The following YKT6 variants were observed in gnomAD, a reference collection of about 807,000 sequenced individuals.
YKT6 encodes the protein YKT6 vesicular SNARE protein, also known as synaptobrevin homolog YKT6.
YKT6 carries 12 observed loss-of-function variants against 29.3 expected under a neutral mutation model. The ratio of observed to expected loss-of-function variants is 0.41; its 90% CI spans 0.26 to 0.66. The LOEUF (loss-of-function observed/expected upper bound fraction) is 0.66, where lower values mean the gene tolerates loss of function less well. YKT6 is among the 30% of genes least tolerant of loss of function. YKT6 has a pLI of 0.32. For missense variants in YKT6, 188 were observed against 243.8 expected (o/e 0.77, Z 1.52); for synonymous variants, 86 against 94.3 (o/e 0.91, Z 0.51).
At position 44,201,245 on chromosome 7, in the gene YKT6, C is replaced by G. The variant is rs758557603; in HGVS notation, c.104+6C>G. On this transcript the variant is annotated splice_donor_region_variant and intron_variant, in intron 1 of 6. Coordinates refer to ENST00000223369, the MANE Select transcript of YKT6 (RefSeq NM_006555.4). ...AGCTTTTTCCAGAGATCCAGGTGAG[C>G]GGCACAGGCTGGTGGGCCGTGGCGG... 2 of 1,603,264 alleles carry G rather than the reference C, an allele frequency of 1.2e-6. No homozygotes were observed. Among genetic ancestry groups the G allele is most frequent in the South Asian group, 1.1e-5 (1 of 90,484 alleles).
chr7:44,211,161 C>G (rs1562744555), intron 6 of YKT6, 37 bp downstream of exon 6: 1 of 1,587,802 alleles, frequency 6.3e-7, no homozygotes, highest in Non-Finnish European at 8.6e-7. Flanking sequence ...TGGGTGTTCT[C>G]TCTAGAGAGC....
At position 44,210,678 on chromosome 7, in the gene YKT6, G is replaced by A. The variant is rs1057234716; in HGVS notation, c.460-345G>A. On this transcript the variant is annotated intron_variant, in intron 5 of 6. Coordinates refer to ENST00000223369, the MANE Select transcript of YKT6 (RefSeq NM_006555.4). ...AAGCTCCATGCACACGCACATGTGC[G>A]TGCACACACACACACACACACAAAT... 165 of 324,210 alleles carry A rather than the reference G, an allele frequency of 5.1e-4. 1 individual carries two copies. Among genetic ancestry groups the A allele is most frequent in the African/African-American group, 3.6e-3 (119 of 33,474 alleles). The allele number at this position is 324,210 out of a possible 1,614,324, so 20.1% of individuals were successfully genotyped here.
Position 44,212,562 on chromosome 7 carries a change from GCT to G in YKT6, c.*283_*284del. On this transcript the variant is annotated 3_prime_UTR_variant, in exon 7 of 7. Transcript: ENST00000223369. ...GACTGGCTTCTGTAGATGCCAAAGG[GCT>G]CTTTTTCAGCTAACCCTGGGAAGGC... 1 of 433,712 alleles carries G rather than the reference GCT, an allele frequency of 2.3e-6. No homozygotes were observed. The allele number at this position is 433,712 out of a possible 1,614,324, so 26.9% of individuals were successfully genotyped here. A position where few individuals can be genotyped will look rare whatever the true frequency, so the allele number is the denominator to read the frequency against.
intron 6 of YKT6, 88 bp from the exon 7 acceptor site, chr7:44,212,159 T>G: frequency 6.5e-7 from 1 of 1,534,526 alleles, no homozygotes; most frequent in Non-Finnish European, 9.0e-7. Context: ...CTGTGTCCTG[T>G]GGAGCTCCCT....
intron 1 of YKT6, 38 bp downstream of exon 1, chr7:44,201,277 G>T: frequency 6.3e-7 from 1 of 1,584,782 alleles, no homozygotes. Context: ...GCGGTCGGGC[G>T]GAGAGGACTG....
intron 6 of YKT6, among the ~76,000 whole-genome samples, chr7:44,211,761 G>C (rs779767888): frequency 2.6e-5 from 4 of 152,212 alleles, no homozygotes; most frequent in Non-Finnish European, 5.9e-5. Context: ...TCTGTGACCA[G>C]AAAGCAAGAG....
intron 2 of YKT6, among the ~76,000 whole-genome samples, chr7:44,205,015 G>T (rs916945852): frequency 6.6e-6 from 1 of 152,278 alleles, no homozygotes; most frequent in African/African-American, 2.4e-5. Context: ...TAGATTTTTT[G>T]ATCAGGAATC....
In YKT6 at chr7:44,213,023, G is replaced by A. The variant is rs891951047; in HGVS notation, c.*741G>A. On this transcript the variant is annotated 3_prime_UTR_variant, in exon 7 of 7. Coordinates refer to ENST00000223369, the MANE Select transcript of YKT6 (RefSeq NM_006555.4). ...TGGGTTGGGTTCGTACCAGCAAGTA[G>A]ACTAGGAACTGAGCCCAGGAAAGGG... 2 of 152,254 alleles carry A rather than the reference G, an allele frequency of 1.3e-5. No individual in the cohort carries two copies. The highest frequency in any genetic ancestry group is 2.9e-5 in the Non-Finnish European group (2 of 68,052). The allele number at this position is 152,254 out of a possible 1,614,324, so 9.4% of individuals were successfully genotyped here. A position where few individuals can be genotyped will look rare whatever the true frequency, so the allele number is the denominator to read the frequency against.
intron 2 of YKT6, among the ~76,000 whole-genome samples, chr7:44,204,975 G>A (rs538451954): frequency 4.6e-4 from 70 of 152,334 alleles, no homozygotes; most frequent in Middle Eastern, 3.4e-3. Context: ...AGCTAGCACT[G>A]TTGAGGTACT....
intron 1 of YKT6, among the ~76,000 whole-genome samples, chr7:44,202,942 AG>A (rs1332121394): frequency 6.6e-6 from 1 of 152,006 alleles, no homozygotes; most frequent in Non-Finnish European, 1.5e-5. Context: ...CCTTCCCATT[AG>A]TACTTAAGAT....
intron 2 of YKT6, 93 bp downstream of exon 2, chr7:44,204,743 C>A (rs904393264): frequency 8.7e-7 from 1 of 1,149,452 alleles, no homozygotes; most frequent in South Asian, 1.3e-5. Flanking sequence ...TACTGGGACC[C>A]TACTCCTCCT....
At position 44,213,659 on chromosome 7, in the gene YKT6, AGCTCT is replaced by A. The variant is rs1452719057; in HGVS notation, c.*1384_*1388del. 1 of 151,980 alleles carries A rather than the reference AGCTCT, an allele frequency of 6.6e-6. No homozygotes were observed. 9.4% of individuals were successfully genotyped at this position (151,980 alleles called of 1,614,324 possible). A position where few individuals can be genotyped will look rare whatever the true frequency, so the allele number is the denominator to read the frequency against. On this transcript the variant is annotated 3_prime_UTR_variant, in exon 7 of 7. Coordinates refer to ENST00000223369, the MANE Select transcript of YKT6 (RefSeq NM_006555.4). ...GAACCAGTGTGGTATGGTCCTTGGG[AGCTCT>A]GCTCTGAGCTTGCCACACTGCTGAG... is the stretch of plus-strand genomic sequence containing the variant.
intron 2 of YKT6, among the ~76,000 whole-genome samples, chr7:44,205,963 A>C (rs967424216): frequency 1.3e-5 from 2 of 152,146 alleles, no homozygotes; most frequent in Non-Finnish European, 2.9e-5. Context: ...ATTTTTTAAG[A>C]AAGCAGAGGC....
intron 1 of YKT6, 138 bp from the exon 2 acceptor site, chr7:44,204,430 T>G (rs2096338817): frequency 1.5e-6 from 1 of 684,186 alleles, no homozygotes. Flanking sequence ...TATAGAGTGT[T>G]TGTTACTAGG....
At position 44,212,565 on chromosome 7, in the gene YKT6, CTT is replaced by C. The variant is rs368059901; in HGVS notation, c.*287_*288del. 2,572 of 429,632 alleles carry C rather than the reference CTT, an allele frequency of 6.0e-3. 37 individuals carry two copies. The highest frequency in any genetic ancestry group is 0.032 in the South Asian group (711 of 21,900). 26.6% of individuals were successfully genotyped at this position (429,632 alleles called of 1,614,324 possible). ...TGGCTTCTGTAGATGCCAAAGGGCT[CTT>C]TTTCAGCTAACCCTGGGAAGGCTCT... On this transcript the variant is annotated 3_prime_UTR_variant, in exon 7 of 7. Coordinates refer to ENST00000223369, the MANE Select transcript of YKT6 (RefSeq NM_006555.4).
At chr7:44,210,996 C>T (rs1264732236) in intron 5 of YKT6, 27 bp from the exon 6 acceptor site, 6 of 1,612,054 alleles carry the variant, frequency 3.7e-6, no homozygotes, top group Non-Finnish European at 5.1e-6. Flanking sequence ...CTGAACAGAG[C>T]TGGATTCTCT....
intron 5 of YKT6, 92 bp downstream of exon 5, chr7:44,208,290 A>G (rs529021834): frequency 6.4e-6 from 9 of 1,401,974 alleles, no homozygotes; most frequent in Admixed American, 3.7e-5. Context: ...TCGTTTTAAT[A>G]TAATAGTAAC....
At chr7:44,206,224 T>C (rs1255219409) in intron 2 of YKT6, among the ~76,000 whole-genome samples, 161 bp from the exon 3 acceptor site, 4 of 152,216 alleles carry the variant, frequency 2.6e-5, no homozygotes, top group African/African-American at 9.6e-5. Flanking sequence ...GTGTGGCCCA[T>C]TGGGCTGTGC....
chr7:44,206,334 G>C (rs1238552681), intron 2 of YKT6, 51 bp from the exon 3 acceptor site: 15 of 1,576,456 alleles, frequency 9.5e-6, no homozygotes, highest in African/African-American at 1.3e-5. Context: ...ATTAAAAGAA[G>C]TCTGAAGCCC....
Sources: allele counts gnomAD v4.1 joint callset (sites outside exome capture counted in the v4.1 genomes callset), GRCh38; gene constraint gnomAD v4.1.1; transcripts MANE v1.5; gene names NCBI Gene and HGNC (gene_info 2026-07-23, HGNC 2026-07-21).